Variants in AGBL4 observed in about 807,000 individuals in gnomAD.
AGBL4 encodes cytosolic carboxypeptidase 6.
A neutral mutation model predicts 66.4 loss-of-function variants in AGBL4; 58 were observed. The ratio of observed to expected loss-of-function variants is 0.87; its 90% CI spans 0.71 to 1.09. AGBL4 has a LOEUF of 1.09. AGBL4 is among the 50% of genes least tolerant of loss of function. The pLI is 0.00. For synonymous variants in AGBL4, 234 were observed against 222.9 expected (o/e 1.05, Z -0.44); for missense variants, 579 against 631.0 (o/e 0.92, Z 0.88).
At chr1:48,780,643 T>C (rs1398097788) in intron 6 of AGBL4, among the ~76,000 whole-genome samples, 1 of 152,202 alleles carries the variant, frequency 6.6e-6, no homozygotes, top group African/African-American at 2.4e-5. Flanking sequence ...AACCATCTGA[T>C]GTTTGACAAA....
Position 49,948,027 on chromosome 1 carries a change from A to AATATATAAATATATATAAAT in AGBL4, c.34+75735_34+75736insATTTATATATATTTATATAT, listed in dbSNP as rs1553151826. Among the ~76,000 whole-genome samples the AATATATAAATATATATAAAT allele has an allele frequency of 6.0e-3, 451 of 75,778 alleles. 8 individuals are homozygous for AATATATAAATATATATAAAT. The highest frequency in any genetic ancestry group is 8.5e-3 in the Non-Finnish European group (394 of 46,278). The allele number at this position is 75,778 out of a possible 152,430, so 49.7% of individuals were successfully genotyped here. On this transcript the variant is annotated intron_variant, in intron 1 of 13. Transcript: ENST00000371839. ...ATATATAAATATATAAATATATATA[A>AATATATAAATATATATAAAT]ATATATATACATATAAATATATAAA...
At chr1:49,504,322 G>A (rs943693038) in intron 3 of AGBL4, among the ~76,000 whole-genome samples, 9 of 152,080 alleles carry the variant, frequency 5.9e-5, no homozygotes, top group African/African-American at 2.2e-4. Flanking sequence ...AAATTACCCA[G>A]TCTCAGAGGT....
intron 2 of AGBL4, among the ~76,000 whole-genome samples, chr1:49,706,735 T>C (rs2124642721): frequency 1.3e-5 from 2 of 152,322 alleles, no homozygotes; most frequent in Middle Eastern, 6.8e-3. Flanking sequence ...CCAGAGATGC[T>C]GGTACGTTGT....
intron 5 of AGBL4, among the ~76,000 whole-genome samples, chr1:48,926,340 C>T (rs1211619938): frequency 1.3e-5 from 2 of 151,246 alleles, no homozygotes; most frequent in Admixed American, 6.6e-5. Context: ...AGTGCAGTGG[C>T]ATGATCTGGG....
chr1:49,849,325 T>C (rs1372333180), intron 2 of AGBL4, among the ~76,000 whole-genome samples: 3 of 151,952 alleles, frequency 2.0e-5, no homozygotes, highest in Non-Finnish European at 1.5e-5. Context: ...ATTGACACTC[T>C]AAATTCTGAC....
At chr1:48,771,865 C>T (rs965147890) in intron 6 of AGBL4, among the ~76,000 whole-genome samples, 3 of 152,164 alleles carry the variant, frequency 2.0e-5, no homozygotes, top group Non-Finnish European at 4.4e-5. Context: ...GAAGCTATTT[C>T]CCCCAAGTGT....
At chr1:48,744,641 C>T (rs886235815) in intron 6 of AGBL4, among the ~76,000 whole-genome samples, 1 of 152,148 alleles carries the variant, frequency 6.6e-6, no homozygotes, top group African/African-American at 2.4e-5. Context: ...CCAGTACAGC[C>T]GTAACTTCAG....
chr1:49,953,261 A>T (rs986533535), intron 1 of AGBL4, among the ~76,000 whole-genome samples: 24 of 151,930 alleles, frequency 1.6e-4, no homozygotes, highest in African/African-American at 5.8e-4. Context: ...TGATCATATC[A>T]TTTCCTAATA....
intron 6 of AGBL4, among the ~76,000 whole-genome samples, chr1:48,838,679 C>G (rs139327008): frequency 9.2e-5 from 14 of 151,910 alleles, no homozygotes; most frequent in African/African-American, 1.7e-4. Flanking sequence ...AAGCAAAAAT[C>G]GACAAATGGG....
At chr1:49,201,748 CT>C (rs1007417464) in intron 4 of AGBL4, among the ~76,000 whole-genome samples, 1 of 152,094 alleles carries the variant, frequency 6.6e-6, no homozygotes, top group African/African-American at 2.4e-5. Context: ...AATTTTACAA[CT>C]TTTTAATTAA....
At chr1:48,903,346 G>T (rs984863245) in intron 5 of AGBL4, among the ~76,000 whole-genome samples, 4 of 152,210 alleles carry the variant, frequency 2.6e-5, no homozygotes, top group Admixed American at 2.6e-4. Context: ...GATATCTGTG[G>T]AAGGCATGAC....
At chr1:49,943,889 A>C (rs1393326612) in intron 1 of AGBL4, among the ~76,000 whole-genome samples, 1 of 152,102 alleles carries the variant, frequency 6.6e-6, no homozygotes, top group East Asian at 1.9e-4. Context: ...GCCTAGGGCA[A>C]GTTCTCGGCT....
At position 49,126,688 on chromosome 1, in the gene AGBL4, A is replaced by T. The variant is rs185692230; in HGVS notation, c.378-80888T>A. Among the ~76,000 whole-genome samples, 206 of 152,248 alleles carry T rather than the reference A, an allele frequency of 1.4e-3. 2 individuals carry two copies. The highest frequency in any genetic ancestry group is 4.8e-3 in the African/African-American group (199 of 41,540). On this transcript the variant is annotated intron_variant, in intron 4 of 13. Coordinates refer to ENST00000371839, the MANE Select transcript of AGBL4 (RefSeq NM_032785.4). ...GTATAATCAAGATTAGTCTTGGGAAATTGGTAGTAATGTTGTCCAGCCCAT... is the reference window on the plus strand; with the variant it reads ...GTATAATCAAGATTAGTCTTGGGAATTTGGTAGTAATGTTGTCCAGCCCAT...
intron 6 of AGBL4, among the ~76,000 whole-genome samples, chr1:48,738,924 T>C (rs1649484584): frequency 6.6e-6 from 1 of 152,202 alleles, no homozygotes; most frequent in Non-Finnish European, 1.5e-5. Flanking sequence ...TTTACAGATG[T>C]AAACAGAGAT....
downstream of AGBL4, among the ~76,000 whole-genome samples, chr1:48,529,750 A>G (rs1643896273): frequency 6.6e-6 from 1 of 152,132 alleles, no homozygotes; most frequent in African/African-American, 2.4e-5. Context: ...AACCAGAGCT[A>G]GATTATCTGC....
At chr1:49,136,745 A>G (rs1397905246) in intron 4 of AGBL4, among the ~76,000 whole-genome samples, 1 of 152,174 alleles carries the variant, frequency 6.6e-6, no homozygotes, top group Non-Finnish European at 1.5e-5. Context: ...TTAATGAAAA[A>G]ACATAAATAC....
intron 4 of AGBL4, among the ~76,000 whole-genome samples, chr1:49,133,299 C>T (rs1483429426): frequency 6.6e-6 from 1 of 151,982 alleles, no homozygotes; most frequent in Non-Finnish European, 1.5e-5. Flanking sequence ...GGCTTAAAAC[C>T]TAGATGACAG....
At chr1:48,829,727 A>C (rs77226535) in intron 6 of AGBL4, among the ~76,000 whole-genome samples, 6,039 of 151,980 alleles carry the variant, frequency 0.04, 396 homozygotes, top group African/African-American at 0.14. Context: ...GAAAAAAAAA[A>C]CCCACAAAAA....
intron 5 of AGBL4, among the ~76,000 whole-genome samples, chr1:48,908,843 T>C (rs553471404): frequency 1.3e-5 from 2 of 152,272 alleles, no homozygotes; most frequent in Non-Finnish European, 2.9e-5. Flanking sequence ...TCATTTTTGG[T>C]ATTTTGAATG....
Sources: gnomAD v4.1 joint callset for allele counts (sites outside exome capture counted in the v4.1 genomes callset) on GRCh38, gnomAD v4.1.1 for gene constraint, MANE v1.5 for transcripts, NCBI Gene and HGNC (gene_info 2026-07-23, HGNC 2026-07-21) for gene names.